The following PCDH9 variants were observed in gnomAD, a reference collection of about 807,000 sequenced individuals.
PCDH9 encodes protocadherin-9.
PCDH9 carries 24 observed loss-of-function variants against 70.6 expected under a neutral mutation model. The ratio of observed to expected loss-of-function variants is 0.34; its 90% CI spans 0.25 to 0.48. The LOEUF (loss-of-function observed/expected upper bound fraction) is 0.48. PCDH9 is among the 20% of genes least tolerant of loss of function. The pLI, the probability that PCDH9 is intolerant of heterozygous loss-of-function variation, is 0.99. For missense variants in PCDH9, 1,281 were observed against 1,503.6 expected (o/e 0.85, Z 2.45); for synonymous variants, 562 against 558.5 (o/e 1.01, Z -0.09).
intron 3 of PCDH9, among the ~76,000 whole-genome samples, chr13:66,900,964 T>C (rs1232817073): frequency 6.6e-6 from 1 of 151,812 alleles, no homozygotes; most frequent in African/African-American, 2.4e-5. Flanking sequence ...GCCAATTTTG[T>C]AGGTTATAAT....
At chr13:66,672,657 G>T (rs9571613) in intron 3 of PCDH9, among the ~76,000 whole-genome samples, 33 of 152,190 alleles carry the variant, frequency 2.2e-4, no homozygotes, top group African/African-American at 7.5e-4. Flanking sequence ...CAGTTGGGAG[G>T]GGGGCTGTAC....
At chr13:66,423,909 T>C (rs1190653726) in intron 4 of PCDH9, among the ~76,000 whole-genome samples, 1 of 152,162 alleles carries the variant, frequency 6.6e-6, no homozygotes, top group African/African-American at 2.4e-5. Context: ...GATGATATGA[T>C]TGTATATTTA....
intron 2 of PCDH9, among the ~76,000 whole-genome samples, chr13:67,195,919 T>C (rs538069396): frequency 6.6e-6 from 1 of 152,304 alleles, no homozygotes; most frequent in South Asian, 2.1e-4. Flanking sequence ...GTTGCTCGAC[T>C]TGATATGTTT....
intron 3 of PCDH9, among the ~76,000 whole-genome samples, chr13:66,743,389 A>G (rs186118884): frequency 2.8e-5 from 4 of 143,186 alleles, no homozygotes; most frequent in African/African-American, 1.0e-4. Flanking sequence ...GATACACCTA[A>G]GGCTAGATGA....
intron 2 of PCDH9, among the ~76,000 whole-genome samples, chr13:67,185,467 T>C (rs2088729383): frequency 6.6e-6 from 1 of 152,198 alleles, no homozygotes; most frequent in Admixed American, 6.5e-5. Flanking sequence ...ATATACATAA[T>C]AGATTTCTTA....
chr13:66,417,511 A>C (rs967241317), intron 4 of PCDH9, among the ~76,000 whole-genome samples: 4 of 152,228 alleles, frequency 2.6e-5, no homozygotes, highest in Non-Finnish European at 5.9e-5. Flanking sequence ...ACTTTATAGT[A>C]GAATGATTTA....
rs2081839874 is a variant in PCDH9 at position 66,877,555 on chromosome 13, T to C, written c.3138+25949A>G. 2.0e-5 allele frequency among the ~76,000 whole-genome samples: 3 copies of C among 152,168 alleles called. No homozygotes were observed. The South Asian group carries it at 6.2e-4, about 31-fold the overall frequency. Reference sequence around the variant, plus strand: ...GTTAAACAGGCGTTTAGGGGTTTCCTCTGGGAAAATGTGCCTGCATTCTGC... The same window carrying C: ...GTTAAACAGGCGTTTAGGGGTTTCCCCTGGGAAAATGTGCCTGCATTCTGC... On this transcript the variant is annotated intron_variant, in intron 3 of 4. Transcript: ENST00000377865.
chr13:66,462,381 G>A (rs1390512062), intron 4 of PCDH9, among the ~76,000 whole-genome samples: 1 of 151,844 alleles, frequency 6.6e-6, no homozygotes, highest in Non-Finnish European at 1.5e-5. Flanking sequence ...AAGGAAGTCA[G>A]GAAGAGACAT....
rs1254164986 is a variant in PCDH9, at chr13:67,226,701, A to G, written c.1740T>C (p.Phe580=). Reference sequence around the variant, plus strand: ...TATACTTTGGCAGATTCTCAGACACAAAAAATTGAAAATGATTATGAGTAA... The same window carrying G: ...TATACTTTGGCAGATTCTCAGACACGAAAAATTGAAAATGATTATGAGTAA... ...PKFTHNHFQF[F]VSENLPKYST... is the part of the protein sequence containing the mutation. Residue 580 remains phenylalanine (F), a synonymous_variant, in exon 2 of 5, where the codon TTT becomes TTC. Transcript: ENST00000377865. The surrounding 1 kb of genome is among the most constrained non-coding windows in gnomAD (Gnocchi z 5.0). 2.5e-6 allele frequency: 4 copies of G among 1,614,088 alleles called. No homozygotes were observed. The highest frequency in any genetic ancestry group is 3.4e-6 in the Non-Finnish European group (4 of 1,179,938).
chr13:66,722,722 C>T (rs1443582920), intron 3 of PCDH9, among the ~76,000 whole-genome samples: 3 of 152,088 alleles, frequency 2.0e-5, no homozygotes, highest in Non-Finnish European at 2.9e-5. Flanking sequence ...AATCCCAGCA[C>T]TTTGGGAGGC....
At chr13:66,500,828 A>G (rs1959173297) in intron 4 of PCDH9, among the ~76,000 whole-genome samples, 2 of 152,128 alleles carry the variant, frequency 1.3e-5, no homozygotes, top group Non-Finnish European at 2.9e-5. Context: ...TTCTAATATT[A>G]TAATGCCATC....
intron 3 of PCDH9, among the ~76,000 whole-genome samples, chr13:66,656,973 A>G (rs963275577): frequency 6.6e-6 from 1 of 152,196 alleles, no homozygotes; most frequent in Non-Finnish European, 1.5e-5. Context: ...CTTGCAGCAG[A>G]AGAGCAAGTC....
chr13:66,445,594 T>TTATATACACATATATATTA (rs1196734372), intron 4 of PCDH9, among the ~76,000 whole-genome samples: 13 of 132,854 alleles, frequency 9.8e-5, no homozygotes, highest in Non-Finnish European at 2.0e-4. Context: ...CACATATATA[T>TTATATACACATATATATTA]TATATACACA....
chr13:66,815,967 C>A (rs368313419), intron 3 of PCDH9, among the ~76,000 whole-genome samples: 2 of 152,262 alleles, frequency 1.3e-5, no homozygotes, highest in East Asian at 1.9e-4. Context: ...AAATTGAACT[C>A]TTAAATTAAA....
At chr13:66,730,802 CTGAG>C (rs1353321064) in intron 3 of PCDH9, among the ~76,000 whole-genome samples, 1 of 151,020 alleles carries the variant, frequency 6.6e-6, no homozygotes, top group East Asian at 1.9e-4. Context: ...CCTCAGCCTC[CTGAG>C]TAAGTAAGTC....
At chr13:66,573,862 T>G (rs1043345095) in intron 4 of PCDH9, among the ~76,000 whole-genome samples, 2 of 152,168 alleles carry the variant, frequency 1.3e-5, no homozygotes, top group Non-Finnish European at 2.9e-5. Flanking sequence ...ACTATCGGGT[T>G]CTTTTACATT....
In PCDH9 at chr13:66,304,618, G is replaced by C; in HGVS notation, c.*37C>G. ...GCTCTGACGCACACGGTATTAGCATGTCTATTTAAAGTTATTAGGTCCCAT... is the reference window on the plus strand; with the variant it reads ...GCTCTGACGCACACGGTATTAGCATCTCTATTTAAAGTTATTAGGTCCCAT... On this transcript the variant is annotated 3_prime_UTR_variant, in exon 5 of 5. Transcript: ENST00000377865. 1 of 1,555,980 alleles carries C rather than the reference G, an allele frequency of 6.4e-7. No individual in the cohort carries two copies. Among genetic ancestry groups the C allele is most frequent in the Non-Finnish European group, 8.8e-7 (1 of 1,131,158 alleles).
At chr13:66,393,710 T>C (rs1384171712) in intron 4 of PCDH9, among the ~76,000 whole-genome samples, 1 of 152,154 alleles carries the variant, frequency 6.6e-6, no homozygotes, top group Non-Finnish European at 1.5e-5. Context: ...AATTTCAGGA[T>C]AGTGAAAGAA....
intron 2 of PCDH9, among the ~76,000 whole-genome samples, chr13:66,927,115 A>C (rs2082728762): frequency 6.6e-6 from 1 of 152,080 alleles, no homozygotes; most frequent in South Asian, 2.1e-4. Context: ...TTCAGCTCTG[A>C]ATGACCAATT....
Sources: allele counts gnomAD v4.1 joint callset (sites outside exome capture counted in the v4.1 genomes callset), GRCh38; gene constraint gnomAD v4.1.1; non-coding constraint Gnocchi (gnomAD v3.1); transcripts MANE v1.5; gene names NCBI Gene and HGNC (gene_info 2026-07-23, HGNC 2026-07-21).